Variants in CYRIB observed in about 807,000 individuals in gnomAD.
CYRIB encodes the protein CYFIP-related Rac1 interactor B.
CYRIB carries 8 observed loss-of-function variants against 44.2 expected under a neutral mutation model. The ratio of observed to expected loss-of-function variants is 0.18; its 90% CI spans 0.11 to 0.33. The LOEUF (loss-of-function observed/expected upper bound fraction) is 0.33. Among genes scored for constraint, CYRIB ranks in the 10% least tolerant of loss-of-function variants. The pLI, the probability that CYRIB is intolerant of heterozygous loss-of-function variation, is 1.00. For missense variants in CYRIB, 185 were observed against 382.8 expected (o/e 0.48, Z 4.31); for synonymous variants, 131 against 127.2 (o/e 1.03, Z -0.20).
chr8:129,936,490 C>T (rs2092810608), intron 1 of CYRIB, among the ~76,000 whole-genome samples: 2 of 152,110 alleles, frequency 1.3e-5, no homozygotes, highest in South Asian at 4.1e-4. Context: ...TGAGTTCACA[C>T]ATCCAAGAAC....
At chr8:129,987,718 G>T (rs1302407638) in intron 1 of CYRIB, among the ~76,000 whole-genome samples, 1 of 151,830 alleles carries the variant, frequency 6.6e-6, no homozygotes, top group Non-Finnish European at 1.5e-5. Context: ...TCCACAGGCA[G>T]GCGCCACCTC....
At chr8:129,855,485 C>T in intron 6 of CYRIB, 126 bp downstream of exon 8, 1 of 956,144 alleles carries the variant, frequency 1.0e-6, no homozygotes, top group Middle Eastern at 3.3e-4. Flanking sequence ...TCCAGCTTTG[C>T]ATTTTTATTA....
chr8:129,932,629 G>A (rs544889958), intron 1 of CYRIB, among the ~76,000 whole-genome samples: 2 of 152,276 alleles, frequency 1.3e-5, no homozygotes, highest in Non-Finnish European at 2.9e-5. Flanking sequence ...GGAGTTTCAT[G>A]TCTTCTACCA....
chr8:129,930,552 A>G (rs771500439), intron 1 of CYRIB, among the ~76,000 whole-genome samples: 3 of 151,744 alleles, frequency 2.0e-5, no homozygotes, highest in Non-Finnish European at 2.9e-5. Flanking sequence ...AAATGTTAAT[A>G]GACTACTAAG....
intron 1 of CYRIB, among the ~76,000 whole-genome samples, chr8:130,007,211 C>T (rs1469334581): frequency 6.6e-6 from 1 of 152,100 alleles, no homozygotes; most frequent in African/African-American, 2.4e-5. Context: ...TATGAGATGC[C>T]CACTGAGAAA....
rs1287129882 is a variant in CYRIB, at chr8:129,967,061, C to A, written c.-243+3882G>T. Among the ~76,000 whole-genome samples, 3 of 152,136 alleles carry A rather than the reference C, an allele frequency of 2.0e-5. No homozygotes were observed. In the East Asian group the frequency reaches 5.8e-4, roughly 29 times the overall value. On this transcript the variant is annotated intron_variant, in intron 2 of 14. Coordinates refer to the CYRIB transcript ENST00000401979. ...AAAAATTAGTGCAGTGGCCCATAAT[C>A]ACTTCACTGCACTCAAGCCTGGGCA... is the stretch of plus-strand genomic sequence containing the variant.
chr8:129,985,319 C>T (rs1467043474), intron 1 of CYRIB, among the ~76,000 whole-genome samples: 1 of 152,176 alleles, frequency 6.6e-6, no homozygotes, highest in Non-Finnish European at 1.5e-5. Flanking sequence ...TCCAGAAGGC[C>T]GGTCTTTCTC....
Position 129,895,139 on chromosome 8 carries a change from TGGGGGC to T in CYRIB, c.-11+8167_-11+8172del, listed in dbSNP as rs1331561909. Among the ~76,000 whole-genome samples the T allele has an allele frequency of 8.2e-3, 41 of 5,024 alleles. No individual in the cohort carries two copies. The South Asian group carries it at 0.12, about 15-fold the overall frequency. 3.3% of individuals were successfully genotyped at this position (5,024 alleles called of 152,430 possible). On this transcript the variant is annotated intron_variant, in intron 2 of 11. Coordinates refer to ENST00000519824, the Ensembl canonical transcript of CYRIB. ...GTTGGGGTGGGGGTGGGGGTGGGGGTGGGGGCAGGGGCAGGGGGAATACTGTTGTTG... is the reference window on the plus strand; with the variant it reads ...GTTGGGGTGGGGGTGGGGGTGGGGGTAGGGGCAGGGGGAATACTGTTGTTG...
At chr8:129,964,621 C>A (rs2095402827) in intron 2 of CYRIB, among the ~76,000 whole-genome samples, 1 of 152,180 alleles carries the variant, frequency 6.6e-6, no homozygotes, top group Admixed American at 6.6e-5. Context: ...CAGTGGCTCA[C>A]ACCTGTAATC....
rs979342905 is a variant in CYRIB at position 130,015,274 on chromosome 8, G to C, written c.-296+1096C>G. Among the ~76,000 whole-genome samples the C allele has an allele frequency of 3.9e-5, 6 of 152,298 alleles. No individual in the cohort carries two copies. In the South Asian group the frequency reaches 6.2e-4, roughly 16 times the overall value. On this transcript the variant is annotated intron_variant, in intron 1 of 14. Coordinates refer to the CYRIB transcript ENST00000401979. ...CAATTATCTATGGGGTGCTTCCCAC[G>C]TGCTTCAACGCACCCTTTCTAGGTG...
At chr8:129,998,130 A>C (rs55772664) in intron 1 of CYRIB, among the ~76,000 whole-genome samples, 210 of 146,758 alleles carry the variant, frequency 1.4e-3, no homozygotes, top group Middle Eastern at 3.5e-3. Context: ...AAAAAAAAAA[A>C]AAAAAAAACA....
chr8:130,013,597 C>T (rs540104566), intron 1 of CYRIB, among the ~76,000 whole-genome samples: 33 of 152,288 alleles, frequency 2.2e-4, no homozygotes, highest in Non-Finnish European at 3.1e-4. Context: ...AGTCCCAGAC[C>T]GCCAAAGCCA....
chr8:129,868,461 A>G (rs2055078353), intron 4 of CYRIB: 1 of 151,934 alleles, frequency 6.6e-6, no homozygotes, highest in South Asian at 2.1e-4. Context: ...CTTTTCCCTT[A>G]TATTTTGGTG....
intron 2 of CYRIB, chr8:129,948,690 T>TA (rs1325533116): frequency 2.0e-5 from 3 of 152,200 alleles, no homozygotes; most frequent in African/African-American, 7.2e-5. Flanking sequence ...CCCCAAAACC[T>TA]ATGGAGAGGT....
At chr8:129,988,303 G>A (rs576420952) in intron 1 of CYRIB, among the ~76,000 whole-genome samples, 18 of 152,320 alleles carry the variant, frequency 1.2e-4, no homozygotes, top group Admixed American at 9.8e-4. Flanking sequence ...CGCTGCTGAC[G>A]CAAGTAGCCT....
chr8:129,854,479 A>G, intron 6 of CYRIB, 136 bp from the exon 9 acceptor site: 1 of 615,056 alleles, frequency 1.6e-6, no homozygotes, highest in South Asian at 2.2e-5. Flanking sequence ...TAGCACTGGT[A>G]TAATCCAAGG....
intron 1 of CYRIB, among the ~76,000 whole-genome samples, chr8:129,927,302 A>AG (rs2088426367): frequency 6.6e-6 from 1 of 152,212 alleles, no homozygotes; most frequent in Non-Finnish European, 1.5e-5. Flanking sequence ...CAAGAAAAAA[A>AG]AAGTTTTAAA....
At chr8:129,862,750 G>A (rs2050572977) in intron 4 of CYRIB, among the ~76,000 whole-genome samples, 1 of 152,280 alleles carries the variant, frequency 6.6e-6, no homozygotes, top group Non-Finnish European at 1.5e-5. Context: ...GGGATTATAG[G>A]CGTGAGCCAC....
intron 1 of CYRIB, among the ~76,000 whole-genome samples, chr8:129,910,931 T>C (rs1276909115): frequency 6.6e-6 from 1 of 152,228 alleles, no homozygotes; most frequent in African/African-American, 2.4e-5. Context: ...GCGCTGGAAT[T>C]ATAGGCATGA....
Sources: allele counts gnomAD v4.1 joint callset (sites outside exome capture counted in the v4.1 genomes callset), GRCh38; gene constraint gnomAD v4.1.1; transcripts MANE v1.5; gene names NCBI Gene and HGNC (gene_info 2026-07-23, HGNC 2026-07-21).